Variants in SDK1 observed in about 807,000 individuals in gnomAD.
SDK1 encodes the protein protein sidekick-1.
Under a neutral mutation model 245.5 loss-of-function variants are expected in SDK1, and 157 were observed. That is an observed-to-expected ratio of 0.64 (90% CI 0.56 to 0.73). The LOEUF (loss-of-function observed/expected upper bound fraction) is 0.73, where lower values mean the gene tolerates loss of function less well. Ranked by LOEUF, SDK1 falls within the 30% of genes least tolerant of loss-of-function variation. The probability of loss-of-function intolerance (pLI) is 0.00; values close to 1 mark genes in which losing one functional copy is unlikely to be tolerated. For synonymous variants in SDK1, 1,647 were observed against 1,278.5 expected (o/e 1.29, Z -6.15); for missense variants, 3,583 against 3,002.3 (o/e 1.19, Z -4.52).
At chr7:3,830,698 A>G (rs1391352541) in intron 5 of SDK1, among the ~76,000 whole-genome samples, 2 of 151,982 alleles carry the variant, frequency 1.3e-5, no homozygotes, top group African/African-American at 4.8e-5. Flanking sequence ...GGATCTGCCC[A>G]TTGTTGCCCA....
intron 13 of SDK1, among the ~76,000 whole-genome samples, chr7:3,976,713 G>A (rs78866916): frequency 2.0e-3 from 4 of 1,952 alleles, no homozygotes; most frequent in East Asian, 5.6e-3. Context: ...AGAATCACTG[G>A]GGGTCCCGGG....
At chr7:3,882,059 G>C (rs1035174731) in intron 5 of SDK1, among the ~76,000 whole-genome samples, 1 of 152,160 alleles carries the variant, frequency 6.6e-6, no homozygotes. Context: ...CAAAAGGCAC[G>C]TCTTACCTGG....
chr7:3,874,654 A>T (rs1781032100), intron 5 of SDK1, among the ~76,000 whole-genome samples: 1 of 151,488 alleles, frequency 6.6e-6, no homozygotes, highest in Non-Finnish European at 1.5e-5. Context: ...CTCATGCTAC[A>T]GTTTTTGTTT....
chr7:3,425,107 G>T (rs572828133), intron 1 of SDK1, among the ~76,000 whole-genome samples: 1 of 112,156 alleles, frequency 8.9e-6, no homozygotes, highest in African/African-American at 4.0e-5. Flanking sequence ...GAGTCATACA[G>T]TTGCCAGCTT....
At position 3,659,915 on chromosome 7, in the gene SDK1, C is replaced by A. The variant is rs188226447; in HGVS notation, c.713+17810C>A. Among the ~76,000 whole-genome samples, 375 of 152,312 alleles carry A rather than the reference C, an allele frequency of 2.5e-3. 3 individuals carry two copies. The highest frequency in any genetic ancestry group is 0.018 in the South Asian group (87 of 4,816). On this transcript the variant is annotated intron_variant, in intron 4 of 44. Transcript: ENST00000404826. ...GGATGTAGTGGAGTTAAGCTTCTTGCTTCTGATTAGAGCCCTTGGGGGAAT... is the reference window on the plus strand; with the variant it reads ...GGATGTAGTGGAGTTAAGCTTCTTGATTCTGATTAGAGCCCTTGGGGGAAT...
At position 3,730,131 on chromosome 7, in the gene SDK1, A is replaced by T. The variant is rs990829802; in HGVS notation, c.713+88026A>T. 5.3e-5 allele frequency among the ~76,000 whole-genome samples: 8 copies of T among 152,240 alleles called. 1 individual carries two copies. Among genetic ancestry groups the T allele is most frequent in the Admixed American group, 4.6e-4 (7 of 15,282 alleles). ...AGAGAAAACAGCCCACAGCTTAGGG[A>T]CCATTGCTGATGAGGATCCCTTTGA... On this transcript the variant is annotated intron_variant, in intron 4 of 44. Transcript: ENST00000404826.
intron 42 of SDK1, among the ~76,000 whole-genome samples, chr7:4,241,377 G>A (rs1786506562): frequency 1.3e-5 from 2 of 152,142 alleles, no homozygotes; most frequent in South Asian, 4.1e-4. Flanking sequence ...GCTCACGCTT[G>A]CCATCCCAGC....
intron 38 of SDK1, among the ~76,000 whole-genome samples, chr7:4,210,969 G>T (rs766871913): frequency 6.6e-6 from 1 of 152,168 alleles, no homozygotes; most frequent in African/African-American, 2.4e-5. Context: ...GGGAGGATCC[G>T]CCAATCTAGG....
In SDK1 at chr7:3,406,707, A is replaced by G. The variant is rs113957577; in HGVS notation, c.298+104823A>G. 8.7e-4 allele frequency among the ~76,000 whole-genome samples: 132 copies of G among 152,272 alleles called. 1 individual carries two copies. Among genetic ancestry groups the G allele is most frequent in the African/African-American group, 2.8e-3 (117 of 41,546 alleles). Reference sequence around the variant, plus strand: ...ACGAGGGGATGTTTAGGGGAAAATAATATTTGACCATCAGACTTTTTGAAT... The same window carrying G: ...ACGAGGGGATGTTTAGGGGAAAATAGTATTTGACCATCAGACTTTTTGAAT... On this transcript the variant is annotated intron_variant, in intron 1 of 44. Coordinates refer to ENST00000404826, the MANE Select transcript of SDK1 (RefSeq NM_152744.4).
intron 1 of SDK1, among the ~76,000 whole-genome samples, chr7:3,364,021 T>C (rs963269937): frequency 2.0e-5 from 3 of 152,240 alleles, no homozygotes; most frequent in African/African-American, 7.2e-5. Context: ...ATACCTTATT[T>C]TGGTTTTAAT....
intron 25 of SDK1, 95 bp from the exon 26 acceptor site, chr7:4,127,286 T>C (rs1337388229): frequency 1.1e-6 from 1 of 929,310 alleles, no homozygotes; most frequent in Non-Finnish European, 1.8e-6. Flanking sequence ...ACGTTGCTAT[T>C]TCAAGGACAA....
intron 4 of SDK1, among the ~76,000 whole-genome samples, chr7:3,817,635 G>A (rs377694006): frequency 6.6e-6 from 1 of 152,144 alleles, no homozygotes; most frequent in African/African-American, 2.4e-5. Flanking sequence ...CACAACCCCT[G>A]GCCATGCAAA....
rs762288992 is a variant in SDK1, at chr7:3,967,368, G to A, written c.1480G>A (p.Gly494Arg). The A allele has an allele frequency of 8.7e-6, 14 of 1,614,048 alleles. No homozygotes were observed. Among genetic ancestry groups the A allele is most frequent in the South Asian group, 6.6e-5 (6 of 91,086 alleles). ...QRPVDTTVTDGMTAILRCEVS... is the reference protein window; with the variant it reads ...QRPVDTTVTDRMTAILRCEVS... ...GCCAGTGGACACCACAGTTACTGAC[G>A]GGATGACAGCCATTCTAAGGTGTGA... The change falls in exon 10 of 45, where the codon GGG (glycine) becomes AGG (arginine). Residue 494 changes from glycine to arginine, a missense_variant. Coordinates refer to ENST00000404826, the MANE Select transcript of SDK1 (RefSeq NM_152744.4).
chr7:3,723,468 T>C (rs2115031809), intron 4 of SDK1, among the ~76,000 whole-genome samples: 1 of 152,342 alleles, frequency 6.6e-6, no homozygotes, highest in Non-Finnish European at 1.5e-5. Flanking sequence ...AAAGAGATTA[T>C]TTCTTCAGTT....
At chr7:3,455,004 T>C (rs927999176) in intron 1 of SDK1, among the ~76,000 whole-genome samples, 2 of 152,192 alleles carry the variant, frequency 1.3e-5, no homozygotes, top group Non-Finnish European at 2.9e-5. Flanking sequence ...GTTATCCTTA[T>C]TTTTTTATTT....
chr7:3,350,013 G>A (rs1292544227), intron 1 of SDK1, among the ~76,000 whole-genome samples: 1 of 152,204 alleles, frequency 6.6e-6, no homozygotes, highest in East Asian at 1.9e-4. Flanking sequence ...GAAGTTTGGG[G>A]ACTTTGTGCC....
Position 4,041,348 on chromosome 7 carries a change from A to G in SDK1, c.2603-8000A>G, listed in dbSNP as rs1788623395. On this transcript the variant is annotated intron_variant, in intron 17 of 44. Transcript: ENST00000404826. ...GGACAGTTGAGTAGAAAGTTAAAAG[A>G]GTTTTGATATACTCTCTGCCCAACA... Among the ~76,000 whole-genome samples, 5 of 151,002 alleles carry G rather than the reference A, an allele frequency of 3.3e-5. No individual in the cohort carries two copies. The South Asian group carries it at 8.4e-4, about 25-fold the overall frequency.
At chr7:4,092,893 C>G (rs1201224910) in intron 22 of SDK1, among the ~76,000 whole-genome samples, 2 of 152,216 alleles carry the variant, frequency 1.3e-5, no homozygotes, top group African/African-American at 4.8e-5. Flanking sequence ...CCACAACACT[C>G]TCTGCCAGAA....
intron 19 of SDK1, among the ~76,000 whole-genome samples, chr7:4,061,169 T>C (rs993208022): frequency 5.3e-5 from 8 of 152,236 alleles, no homozygotes; most frequent in African/African-American, 1.9e-4. Context: ...TTTTTTCCAA[T>C]TCTGTGAAGA....
Sources: gnomAD v4.1 joint callset for allele counts (sites outside exome capture counted in the v4.1 genomes callset) on GRCh38, gnomAD v4.1.1 for gene constraint, MANE v1.5 for transcripts, NCBI Gene and HGNC (gene_info 2026-07-23, HGNC 2026-07-21) for gene names.